The following RBFOX3 variants were observed in gnomAD, a reference collection of about 807,000 sequenced individuals.
The protein encoded by RBFOX3 is RNA binding protein fox-1 homolog 3.
RBFOX3 carries 17 observed loss-of-function variants against 48.7 expected under a neutral mutation model. The observed-to-expected ratio is 0.35, with a 90% confidence interval of 0.24 to 0.52. The LOEUF (loss-of-function observed/expected upper bound fraction) is 0.52. Ranked by LOEUF, RBFOX3 falls within the 20% of genes least tolerant of loss-of-function variation. RBFOX3 has a pLI of 0.94. For synonymous variants in RBFOX3, 212 were observed against 209.5 expected (o/e 1.01, Z -0.10); for missense variants, 382 against 497.5 (o/e 0.77, Z 2.21).
rs112674506 is a variant in RBFOX3 at position 79,454,980 on chromosome 17, C to T, written c.-175+27474G>A. 5.3e-5 allele frequency among the ~76,000 whole-genome samples: 8 copies of T among 152,342 alleles called. 1 individual carries two copies. The highest frequency in any genetic ancestry group is 1.9e-4 in the African/African-American group (8 of 41,578). ...TACAGAGCCAGCCACGTGCACGAGG[C>T]CCGACAGCATCCCCCATGGGGTGTG... On this transcript the variant is annotated intron_variant, in intron 2 of 14. Coordinates refer to ENST00000693108, the MANE Select transcript of RBFOX3 (RefSeq NM_001350451.2).
intron 3 of RBFOX3, among the ~76,000 whole-genome samples, chr17:79,261,173 TC>T (rs1337711590): frequency 6.6e-6 from 1 of 152,042 alleles, no homozygotes; most frequent in Non-Finnish European, 1.5e-5. Flanking sequence ...ACTCATCTGT[TC>T]CCCCAACTGC....
intron 1 of RBFOX3, among the ~76,000 whole-genome samples, chr17:79,566,737 C>G (rs2092468731): frequency 1.3e-5 from 2 of 152,238 alleles, no homozygotes; most frequent in East Asian, 1.9e-4. Flanking sequence ...TGCCACTGTT[C>G]ATAACCAGTA....
the RBFOX3 span, among the ~76,000 whole-genome samples, chr17:79,655,124 G>GT: frequency 6.6e-6 from 1 of 152,204 alleles, no homozygotes; most frequent in Non-Finnish European, 1.5e-5. Context: ...GGAAGCTCAG[G>GT]TCAGTCCACT....
At chr17:79,537,114 A>C (rs2088914407) in intron 1 of RBFOX3, among the ~76,000 whole-genome samples, 1 of 138,594 alleles carries the variant, frequency 7.2e-6, no homozygotes, top group South Asian at 2.3e-4. Flanking sequence ...AACAAACAAA[A>C]AACAAAAAAA....
chr17:79,455,595 ACG>A (rs1328799220), intron 2 of RBFOX3, among the ~76,000 whole-genome samples: 1 of 152,150 alleles, frequency 6.6e-6, no homozygotes, highest in Admixed American at 6.5e-5. Flanking sequence ...ACACACACAC[ACG>A]CACGCAGTCA....
At chr17:79,625,184 C>T in the RBFOX3 span, among the ~76,000 whole-genome samples, 271 of 152,264 alleles carry the variant, frequency 1.8e-3, no homozygotes, top group African/African-American at 6.1e-3. Flanking sequence ...TCCCCACCCC[C>T]GGGCAACCAC....
At chr17:79,399,903 C>T (rs780723005) in intron 2 of RBFOX3, among the ~76,000 whole-genome samples, 23 of 152,202 alleles carry the variant, frequency 1.5e-4, no homozygotes, top group Non-Finnish European at 2.8e-4. Flanking sequence ...GTCTAACTCC[C>T]GCTCTGGAAT....
rs770435702 is a variant in RBFOX3, at chr17:79,127,315, C to T, written c.-33-11567G>A. ...TCAAGAGCAGAGTGGGTAGTTTCCA[C>T]GAGCCAGAGGACAACCCAGAGATAA... On this transcript the variant is annotated intron_variant, in intron 4 of 14. Coordinates refer to ENST00000693108, the MANE Select transcript of RBFOX3 (RefSeq NM_001350451.2). Among the ~76,000 whole-genome samples, 11 of 152,198 alleles carry T rather than the reference C, an allele frequency of 7.2e-5. No individual in the cohort carries two copies. In the East Asian group the frequency reaches 1.2e-3, roughly 16 times the overall value.
chr17:79,118,986 A>G (rs1482473941), intron 4 of RBFOX3, among the ~76,000 whole-genome samples: 2 of 126,944 alleles, frequency 1.6e-5, no homozygotes, highest in Non-Finnish European at 3.2e-5. Context: ...AAAAAAAAAA[A>G]AAAAAAATAA....
At chr17:79,264,885 C>T (rs1040696121) in intron 3 of RBFOX3, among the ~76,000 whole-genome samples, 4 of 151,880 alleles carry the variant, frequency 2.6e-5, no homozygotes, top group Admixed American at 2.6e-4. Flanking sequence ...TACGGTTCTG[C>T]AGGGCAAGCT....
intron 2 of RBFOX3, among the ~76,000 whole-genome samples, chr17:79,383,791 T>A (rs1376470845): frequency 6.6e-6 from 1 of 152,136 alleles, no homozygotes; most frequent in Non-Finnish European, 1.5e-5. Context: ...TGCCCCTCCA[T>A]CCTGGCACAC....
At chr17:79,368,386 T>G (rs1288235861) in intron 2 of RBFOX3, among the ~76,000 whole-genome samples, 3 of 152,256 alleles carry the variant, frequency 2.0e-5, no homozygotes, top group African/African-American at 7.2e-5. Flanking sequence ...CGTGCTGTCC[T>G]GCATCTGGGT....
At chr17:79,395,222 A>G (rs1020136685) in intron 2 of RBFOX3, among the ~76,000 whole-genome samples, 8 of 152,250 alleles carry the variant, frequency 5.3e-5, no homozygotes, top group African/African-American at 1.9e-4. Flanking sequence ...CACCGGACCC[A>G]GCAATGTGTG....
At chr17:79,644,845 A>G in the RBFOX3 span, among the ~76,000 whole-genome samples, 1 of 152,220 alleles carries the variant, frequency 6.6e-6, no homozygotes, top group Non-Finnish European at 1.5e-5. Context: ...CAATATAGAA[A>G]TTCAATGCAA....
chr17:79,601,219 GGC>G (rs2093698240), intron 1 of RBFOX3: 1 of 152,246 alleles, frequency 6.6e-6, no homozygotes, highest in Admixed American at 6.5e-5. Context: ...TCCCTTGCCA[GGC>G]TATAAAACAT....
intron 4 of RBFOX3, among the ~76,000 whole-genome samples, chr17:79,229,428 G>A (rs1308149709): frequency 6.6e-6 from 1 of 151,414 alleles, no homozygotes. Flanking sequence ...GTGTGGTGGT[G>A]CACATCTGCA....
At chr17:79,266,850 T>C (rs4789877) in intron 3 of RBFOX3, among the ~76,000 whole-genome samples, 101,965 of 152,004 alleles carry the variant, frequency 0.67, 34,555 homozygotes, top group East Asian at 0.92. Flanking sequence ...TGGGTGTGCC[T>C]GGAGAGTGAT....
At position 79,252,075 on chromosome 17, in the gene RBFOX3, G is replaced by T. The variant is rs1799638234; in HGVS notation, c.-73-16270C>A. ...CTGCTGACCACGCCTCATGCCTCTG[G>T]AAGCACACTTTGTCCTGGGCTGGCC... On this transcript the variant is annotated intron_variant, in intron 3 of 14. Transcript: ENST00000693108. The surrounding 1 kb of genome is among the most constrained non-coding windows in gnomAD (Gnocchi z 4.0). Among the ~76,000 whole-genome samples, 1 of 152,168 alleles carries T rather than the reference G, an allele frequency of 6.6e-6. No homozygotes were observed. Among genetic ancestry groups the T allele is most frequent in the African/African-American group, 2.4e-5 (1 of 41,434 alleles).
At chr17:79,223,741 G>A (rs1160259451) in intron 4 of RBFOX3, among the ~76,000 whole-genome samples, 1 of 152,200 alleles carries the variant, frequency 6.6e-6, no homozygotes, top group Non-Finnish European at 1.5e-5. Context: ...GGATTCTGAG[G>A]CCTGGGCAGC....
Sources: gnomAD v4.1 joint callset for allele counts (sites outside exome capture counted in the v4.1 genomes callset) on GRCh38, gnomAD v4.1.1 for gene constraint, Gnocchi (gnomAD v3.1) non-coding constraint, MANE v1.5 for transcripts, NCBI Gene and HGNC (gene_info 2026-07-23, HGNC 2026-07-21) for gene names.